Variants in SLC36A1 observed in about 807,000 individuals in gnomAD.
SLC36A1 encodes proton-coupled amino acid transporter 1.
Under a neutral mutation model 47.5 loss-of-function variants are expected in SLC36A1, and 30 were observed. The observed-to-expected ratio is 0.63, with a 90% CI of 0.47 to 0.86. The LOEUF (loss-of-function observed/expected upper bound fraction) is 0.86, where lower values mean the gene tolerates loss of function less well. Among genes scored for constraint, SLC36A1 ranks in the 40% least tolerant of loss-of-function variants. The probability of loss-of-function intolerance (pLI) is 0.00; values close to 1 mark genes in which losing one functional copy is unlikely to be tolerated. For missense variants in SLC36A1, 517 were observed against 606.0 expected, an observed-to-expected ratio of 0.85 and a Z score of 1.54; for synonymous variants, 255 against 249.7, an observed-to-expected ratio of 1.02 and a Z score of -0.20.
chr5:151,499,521 A>G, the SLC36A1 span, among the ~76,000 whole-genome samples: 2 of 152,150 alleles, frequency 1.3e-5, no homozygotes, highest in Non-Finnish European at 2.9e-5. Flanking sequence ...TAGAATCTTC[A>G]TACATAATCT....
chr5:151,522,603 CAATA>C, the SLC36A1 span, among the ~76,000 whole-genome samples: 1 of 152,104 alleles, frequency 6.6e-6, no homozygotes, highest in Non-Finnish European at 1.5e-5. Flanking sequence ...AGAAAAGAGA[CAATA>C]AATAAGTTAC....
the SLC36A1 span, among the ~76,000 whole-genome samples, chr5:151,533,392 C>G: frequency 2.6e-5 from 3 of 116,500 alleles, no homozygotes; most frequent in Non-Finnish European, 3.4e-5. Context: ...TTGTTATCTC[C>G]AACACACACA....
At chr5:151,498,566 T>G in the SLC36A1 span, among the ~76,000 whole-genome samples, 1 of 152,180 alleles carries the variant, frequency 6.6e-6, no homozygotes, top group Non-Finnish European at 1.5e-5. Context: ...TGCTGCAATC[T>G]TCTCCCCTGC....
At chr5:151,378,099 C>T in the SLC36A1 span, 4 of 350,932 alleles carry the variant, frequency 1.1e-5, no homozygotes, top group South Asian at 9.7e-5. Context: ...TTGATGTTGG[C>T]TAATTTCCAC....
chr5:151,536,173 T>A, the SLC36A1 span, among the ~76,000 whole-genome samples: 323 of 152,276 alleles, frequency 2.1e-3, 1 homozygote, highest in African/African-American at 7.4e-3. Flanking sequence ...AATACATACC[T>A]ACATTGCTTC....
At chr5:151,468,264 A>AAAAAAAAAAAT in intron 7 of SLC36A1, among the ~76,000 whole-genome samples, 1 of 78,702 alleles carries the variant, frequency 1.3e-5, no homozygotes, top group Non-Finnish European at 2.2e-5. Context: ...AAAAAAAAAA[A>AAAAAAAAAAAT]AAATATATAT....
At chr5:151,403,347 G>C in the SLC36A1 span, among the ~76,000 whole-genome samples, 1 of 152,100 alleles carries the variant, frequency 6.6e-6, no homozygotes, top group African/African-American at 2.4e-5. Flanking sequence ...GGCCTGGTGG[G>C]GGTGATTAAA....
the SLC36A1 span, chr5:151,521,711 G>A: frequency 6.2e-7 from 1 of 1,613,910 alleles, no homozygotes; most frequent in South Asian, 1.1e-5. Flanking sequence ...ATGGCCTGCT[G>A]CAGAGCCTCC....
intron 8 of SLC36A1, among the ~76,000 whole-genome samples, chr5:151,474,664 G>C (rs886695498): frequency 6.6e-6 from 1 of 152,150 alleles, no homozygotes. Context: ...TGTATTTTCT[G>C]CGTGCAAAAG....
chr5:151,545,548 A>G, the SLC36A1 span: 1 of 1,614,176 alleles, frequency 6.2e-7, no homozygotes, highest in Non-Finnish European at 8.5e-7. Context: ...TCTGACATGA[A>G]TGATGACTTG....
At chr5:151,425,308 C>T in the SLC36A1 span, 2 of 152,374 alleles carry the variant, frequency 1.3e-5, no homozygotes, top group African/African-American at 4.8e-5. Context: ...CCCCTCTTAC[C>T]AAGATGCCCA....
At chr5:151,528,475 C>T in the SLC36A1 span, among the ~76,000 whole-genome samples, 547 of 152,248 alleles carry the variant, frequency 3.6e-3, no homozygotes, top group African/African-American at 0.013. Flanking sequence ...CTTATAAGAG[C>T]ACACAGTGAT....
chr5:151,385,995 C>A, the SLC36A1 span, among the ~76,000 whole-genome samples: 3 of 151,798 alleles, frequency 2.0e-5, no homozygotes, highest in Non-Finnish European at 4.4e-5. Context: ...CCTTACCCTG[C>A]CGAGTGGCTG....
the SLC36A1 span, chr5:151,512,450 T>A: frequency 6.2e-7 from 1 of 1,614,020 alleles, no homozygotes; most frequent in East Asian, 2.2e-5. This position sits in a 1 kb window ranked among gnomAD's most constrained non-coding sequence, Gnocchi z 4.1. Context: ...ACAAGGGAGG[T>A]GTTGCCCATG....
chr5:151,393,742 C>T, the SLC36A1 span, among the ~76,000 whole-genome samples: 10,927 of 152,176 alleles, frequency 0.072, 994 homozygotes, highest in African/African-American at 0.22. Flanking sequence ...CCACTCTCTT[C>T]TGGCTTGTAG....
At chr5:151,473,397 A>C (rs1757597717) in intron 7 of SLC36A1, among the ~76,000 whole-genome samples, 1 of 152,080 alleles carries the variant, frequency 6.6e-6, no homozygotes, top group South Asian at 2.1e-4. Context: ...TTACCTAGTG[A>C]AAGAATGTGA....
the SLC36A1 span, among the ~76,000 whole-genome samples, chr5:151,357,232 G>A: frequency 6.6e-6 from 1 of 152,194 alleles, no homozygotes; most frequent in African/African-American, 2.4e-5. Context: ...TAAGCCACAG[G>A]CCCACATAGC....
At position 151,465,652 on chromosome 5, in the gene SLC36A1, A is replaced by G. The variant is rs1193552029; in HGVS notation, c.419+483A>G. ...AAGAGACCAGTAGTGGGAGACACCC[A>G]TAAGAAGAAAGTGTCATGAGCTAGG... On this transcript the variant is annotated intron_variant, in intron 5 of 10. Transcript: ENST00000243389. 3.3e-5 allele frequency among the ~76,000 whole-genome samples: 5 copies of G among 152,192 alleles called. No homozygotes were observed. In the East Asian group the frequency reaches 9.6e-4, roughly 29 times the overall value.
intron 3 of SLC36A1, among the ~76,000 whole-genome samples, chr5:151,463,999 C>G (rs2127485563): frequency 6.6e-6 from 1 of 152,340 alleles, no homozygotes; most frequent in Non-Finnish European, 1.5e-5. Flanking sequence ...GTCTCCCATG[C>G]CCTGTTCCTA....
Sources: gnomAD v4.1 joint callset for allele counts (sites outside exome capture counted in the v4.1 genomes callset) on GRCh38, gnomAD v4.1.1 for gene constraint, Gnocchi (gnomAD v3.1) non-coding constraint, MANE v1.5 for transcripts, NCBI Gene and HGNC (gene_info 2026-07-23, HGNC 2026-07-21) for gene names.